Variants in ABLIM2 observed in about 807,000 individuals in gnomAD.
The protein encoded by ABLIM2 is actin-binding LIM protein 2.
A neutral mutation model predicts 97.7 loss-of-function variants in ABLIM2; 53 were observed. The ratio of observed to expected loss-of-function variants is 0.54; its 90% confidence interval spans 0.44 to 0.68. The LOEUF (loss-of-function observed/expected upper bound fraction) is 0.68. ABLIM2 is among the 30% of genes least tolerant of loss of function. The pLI is 0.00. For missense variants in ABLIM2, 835 were observed against 867.2 expected, an observed-to-expected ratio of 0.96 and a Z score of 0.47; for synonymous variants, 361 against 345.8, an observed-to-expected ratio of 1.04 and a Z score of -0.49.
intron 1 of ABLIM2, among the ~76,000 whole-genome samples, chr4:8,135,042 C>G (rs961251279): frequency 2.0e-5 from 3 of 152,170 alleles, no homozygotes; most frequent in African/African-American, 7.2e-5. Context: ...AAATGCTCAG[C>G]CAAACCCAGA....
chr4:8,089,428 C>T (rs548694380), intron 3 of ABLIM2, among the ~76,000 whole-genome samples: 50 of 152,292 alleles, frequency 3.3e-4, no homozygotes, highest in African/African-American at 1.1e-3. Context: ...TGTCAGACCA[C>T]GGGTGCCCCT....
intron 6 of ABLIM2, among the ~76,000 whole-genome samples, chr4:8,062,289 G>T (rs1439895038): frequency 6.6e-6 from 1 of 152,220 alleles, no homozygotes; most frequent in South Asian, 2.1e-4. Flanking sequence ...CAAGCGCAGG[G>T]CCTGGCACCT....
At chr4:7,973,469 C>T (rs1560330046) in intron 20 of ABLIM2, among the ~76,000 whole-genome samples, 1 of 150,750 alleles carries the variant, frequency 6.6e-6, no homozygotes. Flanking sequence ...CCACTGCACT[C>T]CAGTCTGGGT....
rs1183282174 is a variant in ABLIM2, at chr4:8,130,284, G to T, written c.11-23647C>A. On this transcript the variant is annotated intron_variant, in intron 1 of 20. Transcript: ENST00000447017. The surrounding 1 kb of genome is among the most constrained non-coding windows in gnomAD (Gnocchi z 4.2). Reference sequence around the variant, plus strand: ...CCGGCCGCATCTGTCACCAGTTCCGGGATGGCCCATGCTGGGAAACATCAC... The same window carrying T: ...CCGGCCGCATCTGTCACCAGTTCCGTGATGGCCCATGCTGGGAAACATCAC... Among the ~76,000 whole-genome samples, 1 of 152,226 alleles carries T rather than the reference G, an allele frequency of 6.6e-6. No homozygotes were observed. The highest frequency in any genetic ancestry group is 1.5e-5 in the Non-Finnish European group (1 of 68,046).
Position 8,106,586 on chromosome 4 carries a change from G to A in ABLIM2, c.62C>T (p.Ala21Val), listed in dbSNP as rs771028139. 15 of 1,611,276 alleles carry A rather than the reference G, an allele frequency of 9.3e-6. No individual in the cohort carries two copies. The highest frequency in any genetic ancestry group is 5.3e-5 in the African/African-American group (4 of 74,900). ...PSPLEKSPST[A>V]ILCNTCGNVC... ...ATTCCCACACGTGTTGCACAGGATC[G>A]CCGTGCTGGGCGACTTCTCCAGCGG... is the stretch of plus-strand genomic sequence containing the variant. Residue 21 changes from alanine to valine, a missense_variant, in exon 2 of 21, where the codon GCG (alanine) becomes GTG (valine). Transcript: ENST00000447017.
intron 17 of ABLIM2, among the ~76,000 whole-genome samples, chr4:7,989,253 A>G (rs941239962): frequency 1.3e-5 from 2 of 151,582 alleles, no homozygotes; most frequent in African/African-American, 4.8e-5. Context: ...TAATTTTTCT[A>G]TTTTTAGTAG....
rs753131985 is a variant in ABLIM2 at position 8,082,411 on chromosome 4, C to A, written c.455-1609G>T. Among the ~76,000 whole-genome samples the A allele has an allele frequency of 4.6e-5, 7 of 152,184 alleles. No homozygotes were observed. Among genetic ancestry groups the A allele is most frequent in the Non-Finnish European group, 1.0e-4 (7 of 68,038 alleles). ...ACAGAAGACCTGGCCCAAAGCCTTG[C>A]GCATCCCGGGTGAACAGTGAGCATC... On this transcript the variant is annotated intron_variant, in intron 4 of 20. Transcript: ENST00000447017. This position sits in a 1 kb window ranked among gnomAD's most constrained non-coding sequence, Gnocchi z 5.6.
Position 7,998,720 on chromosome 4 carries a change from T to G in ABLIM2, c.1619-5793A>C. 2.1e-6 allele frequency: 1 copy of G among 478,176 alleles called. No individual in the cohort carries two copies. Among genetic ancestry groups the G allele is most frequent in the Non-Finnish European group, 4.1e-6 (1 of 241,028 alleles). 29.6% of individuals were successfully genotyped at this position (478,176 alleles called of 1,614,324 possible). On this transcript the variant is annotated intron_variant, in intron 16 of 20. Coordinates refer to ENST00000447017, the MANE Select transcript of ABLIM2 (RefSeq NM_001130083.2). The surrounding 1 kb of genome is among the most constrained non-coding windows in gnomAD (Gnocchi z 6.4). ...GTCTGGGCCACCTCCTGCCACTGCA[T>G]GGGAGGCTGGGAGTCTGCTGGCCTG...
chr4:7,992,873 T>G lies in ABLIM2; in HGVS notation c.1673A>C (p.Asp558Ala), dbSNP rs1219192151. 6.2e-7 allele frequency: 1 copy of G among 1,612,652 alleles called. No homozygotes were observed. Among genetic ancestry groups the G allele is most frequent in the African/African-American group, 1.3e-5 (1 of 74,978 alleles). The change falls in exon 17 of 21, where the codon GAC (aspartate) becomes GCC (alanine). Residue 558 changes from aspartate (D) to alanine (A), a missense_variant. Asp to Ala is a moderately radical substitution (Grantham distance 126). Coordinates refer to ENST00000447017, the MANE Select transcript of ABLIM2 (RefSeq NM_001130083.2). This position sits in a 1 kb window ranked among gnomAD's most constrained non-coding sequence, Gnocchi z 5.7. ...PLPGHGKNGL[D>A]QRNANLAPCG... ...GGAGGGGTCAGTACCTACCCGCTGG[T>G]CCAAGCCATTCTTTCCATGTCCTGG...
intron 14 of ABLIM2, chr4:8,010,380 G>A (rs915379301): frequency 1.6e-5 from 16 of 985,792 alleles, no homozygotes; most frequent in East Asian, 2.3e-4. Flanking sequence ...TCCCCAGCCC[G>A]CCACGAAGAC....
In ABLIM2 at chr4:8,155,998, T is replaced by C. The variant is rs960601693; in HGVS notation, c.10+2682A>G. Reference sequence around the variant, plus strand: ...CAGCAAAAAAATAAGTGTCTTCTCTTTAAGCCACCTGGTCTTTAGTACTTT... The same window carrying C: ...CAGCAAAAAAATAAGTGTCTTCTCTCTAAGCCACCTGGTCTTTAGTACTTT... On this transcript the variant is annotated intron_variant, in intron 1 of 20. Coordinates refer to ENST00000447017, the MANE Select transcript of ABLIM2 (RefSeq NM_001130083.2). The surrounding 1 kb of genome is among the most constrained non-coding windows in gnomAD (Gnocchi z 4.2). Among the ~76,000 whole-genome samples the C allele has an allele frequency of 3.9e-5, 6 of 152,180 alleles. No individual in the cohort carries two copies. The highest frequency in any genetic ancestry group is 3.2e-3 in the Middle Eastern group (1 of 316).
Position 8,071,441 on chromosome 4 carries a change from C to T in ABLIM2, c.675+6187G>A, listed in dbSNP as rs1038041955. Among the ~76,000 whole-genome samples the T allele has an allele frequency of 6.6e-6, 1 of 151,900 alleles. No homozygotes were observed. The highest frequency in any genetic ancestry group is 1.5e-5 in the Non-Finnish European group (1 of 68,030). ...AGGGAGAGACGGGGAAGGAAAACCCCACTGTCACCACCAAATGCACATTTC... is the reference window on the plus strand; with the variant it reads ...AGGGAGAGACGGGGAAGGAAAACCCTACTGTCACCACCAAATGCACATTTC... On this transcript the variant is annotated intron_variant, in intron 6 of 20. Coordinates refer to ENST00000447017, the MANE Select transcript of ABLIM2 (RefSeq NM_001130083.2). The surrounding 1 kb of genome is among the most constrained non-coding windows in gnomAD (Gnocchi z 6.2).
At chr4:7,983,449 G>A (rs1021419398) in intron 19 of ABLIM2, 98 bp downstream of exon 19, 1 of 1,583,214 alleles carries the variant, frequency 6.3e-7, no homozygotes, top group African/African-American at 1.3e-5. Flanking sequence ...GTCTGCACCT[G>A]ACACACACAT....
At chr4:8,115,701 C>G (rs879688484) in intron 1 of ABLIM2, among the ~76,000 whole-genome samples, 1 of 152,196 alleles carries the variant, frequency 6.6e-6, no homozygotes, top group Non-Finnish European at 1.5e-5. Flanking sequence ...CTTACATGCT[C>G]TCCTACAACA....
chr4:8,106,744 G>A (rs13140321), intron 1 of ABLIM2, 107 bp from the exon 2 acceptor site: 163,993 of 1,347,954 alleles, frequency 0.12, 11,162 homozygotes, highest in Non-Finnish European at 0.14. Flanking sequence ...AGCGGGCCCC[G>A]CACCCACCAG....
chr4:8,114,308 G>T (rs1841768113), intron 1 of ABLIM2, among the ~76,000 whole-genome samples: 1 of 152,194 alleles, frequency 6.6e-6, no homozygotes, highest in South Asian at 2.1e-4. Context: ...TCTGCCCTGG[G>T]GCACAGGGCT....
chr4:8,149,216 TC>T lies in ABLIM2; in HGVS notation c.10+9463del, dbSNP rs1300644624. On this transcript the variant is annotated intron_variant, in intron 1 of 20. Coordinates refer to ENST00000447017, the MANE Select transcript of ABLIM2 (RefSeq NM_001130083.2). The surrounding 1 kb of genome is among the most constrained non-coding windows in gnomAD (Gnocchi z 6.4). ...TCTCTCCTCTCTGCTGCCTCCTGCC[TC>T]CCGTTAGCGAGAAGCCTCAGGCCCC... Among the ~76,000 whole-genome samples, 5 of 152,162 alleles carry T rather than the reference TC, an allele frequency of 3.3e-5. No individual in the cohort carries two copies. The highest frequency in any genetic ancestry group is 7.3e-5 in the Non-Finnish European group (5 of 68,036).
At chr4:8,152,841 A>G (rs892173775) in intron 1 of ABLIM2, among the ~76,000 whole-genome samples, 2 of 151,928 alleles carry the variant, frequency 1.3e-5, no homozygotes, top group Non-Finnish European at 2.9e-5. Flanking sequence ...CCCTACCAAG[A>G]CTCTGGGGAG....
At position 8,061,587 on chromosome 4, in the gene ABLIM2, C is replaced by T. The variant is rs1803125050; in HGVS notation, c.676-533G>A. Reference sequence around the variant, plus strand: ...TCTTGAAGTTTATTAAATTAGACTACAAATGCTAATACTGAAATAACCCAA... The same window carrying T: ...TCTTGAAGTTTATTAAATTAGACTATAAATGCTAATACTGAAATAACCCAA... On this transcript the variant is annotated intron_variant, in intron 6 of 20. Coordinates refer to ENST00000447017, the MANE Select transcript of ABLIM2 (RefSeq NM_001130083.2). This position sits in a 1 kb window ranked among gnomAD's most constrained non-coding sequence, Gnocchi z 4.5. Among the ~76,000 whole-genome samples, 1 of 151,472 alleles carries T rather than the reference C, an allele frequency of 6.6e-6. No individual in the cohort carries two copies.
Sources: allele counts gnomAD v4.1 joint callset (sites outside exome capture counted in the v4.1 genomes callset), GRCh38; gene constraint gnomAD v4.1.1; non-coding constraint Gnocchi (gnomAD v3.1); transcripts MANE v1.5; gene names NCBI Gene and HGNC (gene_info 2026-07-23, HGNC 2026-07-21).